The following NDST4 variants were observed in gnomAD, a reference collection of about 807,000 sequenced individuals.
The protein encoded by NDST4 is N-heparan sulfate sulfotransferase 4.
Under a neutral mutation model 100.8 loss-of-function variants are expected in NDST4, and 63 were observed. That is an observed-to-expected ratio of 0.62 (90% CI 0.51 to 0.77). The LOEUF is 0.77. Ranked by LOEUF, NDST4 falls within the 30% of genes least tolerant of loss-of-function variation. The pLI, the probability that NDST4 is intolerant of heterozygous loss-of-function variation, is 0.00. For missense variants in NDST4, 943 were observed against 1,018.4 expected, an observed-to-expected ratio of 0.93 and a Z score of 1.01; for synonymous variants, 377 against 361.8, an observed-to-expected ratio of 1.04 and a Z score of -0.48.
In NDST4 at chr4:115,021,527, ACACACG is replaced by A. The variant is rs1279569587; in HGVS notation, c.979-44259_979-44254del. On this transcript the variant is annotated intron_variant, in intron 2 of 13. Transcript: ENST00000264363. ...TTCCACATATACACATTCCATATAT[ACACACG>A]TTCCACATATACACATTCCATATAT... 3.2e-4 allele frequency among the ~76,000 whole-genome samples: 39 copies of A among 121,380 alleles called. 1 individual carries two copies. Among genetic ancestry groups the A allele is most frequent in the South Asian group, 9.8e-4 (3 of 3,048 alleles). The allele number at this position is 121,380 out of a possible 152,430, so 79.6% of individuals were successfully genotyped here.
chr4:114,847,095 G>A (rs559199919), intron 9 of NDST4, among the ~76,000 whole-genome samples: 1 of 131,810 alleles, frequency 7.6e-6, no homozygotes, highest in Non-Finnish European at 1.5e-5. Context: ...TGTGTCTTTC[G>A]GCCGGGCGCG....
Position 115,088,387 on chromosome 4 carries a change from A to G in NDST4, c.-246-11105T>C, listed in dbSNP as rs112213465. 4.6e-3 allele frequency among the ~76,000 whole-genome samples: 699 copies of G among 151,890 alleles called. 7 individuals are homozygous for G. Among genetic ancestry groups the G allele is most frequent in the African/African-American group, 0.015 (632 of 41,438 alleles). On this transcript the variant is annotated intron_variant, in intron 1 of 13. Coordinates refer to ENST00000264363, the MANE Select transcript of NDST4 (RefSeq NM_022569.3). ...CTCTCTCTTCTAGGGACTTTAAAAA[A>G]CTGGTATAATGCTTTGTTAGTAATT...
chr4:114,905,448 T>C (rs147187843), intron 6 of NDST4, among the ~76,000 whole-genome samples: 1 of 151,486 alleles, frequency 6.6e-6, no homozygotes, highest in Non-Finnish European at 1.5e-5. Context: ...TTATTTGATA[T>C]AGAGTAAAAA....
Position 114,937,392 on chromosome 4 carries a change from C to G in NDST4, c.1333G>C (p.Val445Leu). 2 of 1,614,074 alleles carry G rather than the reference C, an allele frequency of 1.2e-6. No homozygotes were observed. The highest frequency in any genetic ancestry group is 1.7e-6 in the Non-Finnish European group (2 of 1,179,972). The part of the protein sequence containing the change: ...AAWKKVWGIQ[V>L]TSTEEYPHLK... The stretch of plus-strand genomic sequence containing the variant: ...TGTGGATATTCTTCAGTGCTGGTGA[C>G]TTGAATACCCCAGACCTTCTTCCAA... Residue 445 changes from valine (V) to leucine (L), a missense_variant, in exon 5 of 14, where the codon GTC (valine) becomes CTC (leucine). By Grantham distance (32) the Val-to-Leu change is conservative. Around this residue, in one of 2 missense-constraint regions of NDST4, gnomAD observed 526 missense variants for 634.1 expected, o/e 0.83. Transcript: ENST00000264363.
chr4:115,068,501 C>T (rs554530457), intron 2 of NDST4, among the ~76,000 whole-genome samples: 1 of 152,046 alleles, frequency 6.6e-6, no homozygotes, highest in Non-Finnish European at 1.5e-5. Context: ...TCAAATTATT[C>T]TTTCTTTACA....
chr4:114,829,949 G>A, intron 12 of NDST4, 57 bp from the exon 13 acceptor site: 1 of 1,191,672 alleles, frequency 8.4e-7, no homozygotes, highest in African/African-American at 1.5e-5. Flanking sequence ...CAGTGAGACA[G>A]CCTCACCAAT....
At chr4:114,871,059 A>G in intron 6 of NDST4, 109 bp from the exon 7 acceptor site, 1 of 651,494 alleles carries the variant, frequency 1.5e-6, no homozygotes, top group Non-Finnish European at 2.5e-6. Flanking sequence ...CACAAGAAGT[A>G]CAATGATCTT....
chr4:114,913,732 A>C (rs1009622245), intron 6 of NDST4, among the ~76,000 whole-genome samples: 1 of 21,136 alleles, frequency 4.7e-5, no homozygotes. Flanking sequence ...TATCTCCAAG[A>C]AAAAAAAAAA....
rs1313354803 is a variant in NDST4 at position 115,022,529 on chromosome 4, G to A, written c.979-45255C>T. 1.8e-5 allele frequency among the ~76,000 whole-genome samples: 2 copies of A among 109,934 alleles called. 1 individual carries two copies. Among genetic ancestry groups the A allele is most frequent in the African/African-American group, 9.6e-5 (2 of 20,904 alleles). 72.1% of individuals were successfully genotyped at this position (109,934 alleles called of 152,430 possible). A position where few individuals can be genotyped will look rare whatever the true frequency, so the allele number is the denominator to read the frequency against. ...TGTTCCATATATATATATATGTGAT[G>A]GAATACTTCTCAGACGTAAAAATGA... On this transcript the variant is annotated intron_variant, in intron 2 of 13. Coordinates refer to ENST00000264363, the MANE Select transcript of NDST4 (RefSeq NM_022569.3).
chr4:114,963,648 A>G (rs959831589), intron 4 of NDST4, among the ~76,000 whole-genome samples: 3 of 152,196 alleles, frequency 2.0e-5, no homozygotes, highest in African/African-American at 7.2e-5. Context: ...TTGATAGTAG[A>G]AGTGGTAAGA....
chr4:115,003,580 G>A (rs1340388048), intron 2 of NDST4, among the ~76,000 whole-genome samples: 1 of 151,884 alleles, frequency 6.6e-6, no homozygotes, highest in African/African-American at 2.4e-5. Flanking sequence ...TAAAAAAAGG[G>A]GTACTAGTAC....
At chr4:114,833,431 C>T (rs1408476244) in intron 12 of NDST4, among the ~76,000 whole-genome samples, 175 bp downstream of exon 12, 1 of 152,082 alleles carries the variant, frequency 6.6e-6, no homozygotes, top group Non-Finnish European at 1.5e-5. Flanking sequence ...TAAAGTATTT[C>T]TCATATTTAA....
chr4:114,943,103 T>C (rs1178877715), intron 4 of NDST4, among the ~76,000 whole-genome samples: 4 of 147,886 alleles, frequency 2.7e-5, no homozygotes, highest in Non-Finnish European at 6.0e-5. Context: ...ATATTATATA[T>C]GTATATGATA....
intron 6 of NDST4, among the ~76,000 whole-genome samples, chr4:114,883,531 GAA>G (rs1394542990): frequency 6.6e-6 from 1 of 152,018 alleles, no homozygotes; most frequent in African/African-American, 2.4e-5. Flanking sequence ...TGTCAAAAAA[GAA>G]AGAGCAGAGA....
chr4:114,838,971 ATGCAGGTATC>A (rs1723367577), intron 11 of NDST4, among the ~76,000 whole-genome samples: 1 of 152,096 alleles, frequency 6.6e-6, no homozygotes, highest in Admixed American at 6.5e-5. Context: ...AACAAACAAC[ATGCAGGTATC>A]TGCATGTGGT....
At chr4:114,904,898 A>T (rs1301890754) in intron 6 of NDST4, among the ~76,000 whole-genome samples, 1 of 151,972 alleles carries the variant, frequency 6.6e-6, no homozygotes, top group Non-Finnish European at 1.5e-5. Context: ...CATACAATCC[A>T]CAATTAAAGA....
intron 2 of NDST4, among the ~76,000 whole-genome samples, chr4:114,996,719 G>C (rs1166079281): frequency 6.6e-6 from 1 of 151,960 alleles, no homozygotes; most frequent in Non-Finnish European, 1.5e-5. Flanking sequence ...AAAGAAGACC[G>C]ATACTAAAAA....
intron 3 of NDST4, among the ~76,000 whole-genome samples, chr4:114,973,955 A>T (rs1398302794): frequency 2.0e-5 from 3 of 152,008 alleles, no homozygotes; most frequent in African/African-American, 7.2e-5. Flanking sequence ...ATAAACATTG[A>T]TTAAAAGCTA....
intron 2 of NDST4, among the ~76,000 whole-genome samples, chr4:115,051,847 T>C (rs1393436944): frequency 6.6e-6 from 1 of 152,122 alleles, no homozygotes; most frequent in Admixed American, 6.6e-5. Flanking sequence ...CTATTCTCCA[T>C]AGTGTTTGTA....
Sources: gnomAD v4.1 joint callset for allele counts (sites outside exome capture counted in the v4.1 genomes callset) on GRCh38, gnomAD v4.1.1 for gene constraint, gnomAD v4.1.1 regional missense constraint, MANE v1.5 for transcripts, NCBI Gene and HGNC (gene_info 2026-07-23, HGNC 2026-07-21) for gene names.